HPD: variants seen among roughly 807,000 people sequenced by gnomAD.
The protein encoded by HPD is 4-hydroxyphenylpyruvic acid oxidase.
In HPD, 35 loss-of-function variants were observed where a neutral mutation model predicts 56.9. That is an observed-to-expected ratio of 0.62 (90% CI 0.47 to 0.82). HPD has a LOEUF of 0.82. HPD is among the 40% of genes least tolerant of loss of function. The pLI is 0.00. For missense variants in HPD, 442 were observed against 506.8 expected (o/e 0.87, Z 1.23); for synonymous variants, 186 against 200.2 (o/e 0.93, Z 0.60).
chr12:121,848,846 T>G (rs1252607919), intron 9 of HPD, among the ~76,000 whole-genome samples, 153 bp downstream of exon 9: 4 of 152,132 alleles, frequency 2.6e-5, no homozygotes, highest in Non-Finnish European at 5.9e-5. Flanking sequence ...CCTCAAGTGA[T>G]CCTCCCACCT....
chr12:121,852,338 A>G (rs2137623792), intron 7 of HPD, among the ~76,000 whole-genome samples: 2 of 150,996 alleles, frequency 1.3e-5, no homozygotes, highest in African/African-American at 4.9e-5. Flanking sequence ...TTTTATTTGT[A>G]TTTTTAATTT....
chr12:121,843,269 T>G (rs943718541), intron 12 of HPD, among the ~76,000 whole-genome samples: 2 of 152,182 alleles, frequency 1.3e-5, no homozygotes, highest in Admixed American at 1.3e-4. Flanking sequence ...CTGACCTAGG[T>G]CATCGCTCAA....
At chr12:121,861,786 G>T (rs528787900), upstream of HPD, among the ~76,000 whole-genome samples, 3 of 152,244 alleles carry the variant, frequency 2.0e-5, no homozygotes, top group African/African-American at 7.2e-5. Context: ...GACTTAAAGG[G>T]CTTAAGAAAG....
At chr12:121,878,266 C>T in the HPD span, among the ~76,000 whole-genome samples, 103 of 152,140 alleles carry the variant, frequency 6.8e-4, no homozygotes, top group Admixed American at 5.2e-4. Context: ...GATGAGTATA[C>T]ATGGAGAAGT....
chr12:121,843,657 A>G, intron 12 of HPD, 53 bp downstream of exon 12: 2 of 1,607,788 alleles, frequency 1.2e-6, no homozygotes, highest in Non-Finnish European at 8.5e-7. Flanking sequence ...GAAAAGATGC[A>G]ATGCAGAGCT....
intron 3 of HPD, 107 bp downstream of exon 3, chr12:121,857,650 A>T (rs1878053478): frequency 4.8e-6 from 5 of 1,032,590 alleles, no homozygotes; most frequent in South Asian, 1.3e-5. Context: ...CCCTGGCCTG[A>T]TCCTCCCTCC....
chr12:121,852,184 C>T lies in HPD; in HGVS notation c.415-2394G>A, dbSNP rs569033957. 9.9e-5 allele frequency among the ~76,000 whole-genome samples: 15 copies of T among 151,702 alleles called. No individual in the cohort carries two copies. In the East Asian group the frequency reaches 2.9e-3, roughly 30 times the overall value. ...ACAGGCATGCTCCATCATGCCTGGCCAATTTTTAATTTTTTCGTAGAGATG... is the reference window on the plus strand; with the variant it reads ...ACAGGCATGCTCCATCATGCCTGGCTAATTTTTAATTTTTTCGTAGAGATG... On this transcript the variant is annotated intron_variant, in intron 7 of 13. Transcript: ENST00000289004.
the HPD span, among the ~76,000 whole-genome samples, chr12:121,876,845 AGGCTGAAGTG>A: frequency 2.6e-5 from 4 of 152,036 alleles, no homozygotes; most frequent in African/African-American, 7.2e-5. Flanking sequence ...GATCTTTGGG[AGGCTGAAGTG>A]GGCTGAAGTG....
At chr12:121,849,310 A>G (rs1467291484) in intron 8 of HPD, among the ~76,000 whole-genome samples, 1 of 151,910 alleles carries the variant, frequency 6.6e-6, no homozygotes, top group Non-Finnish European at 1.5e-5. Context: ...GATTATAGGT[A>G]TGAGCCACTG....
chr12:121,863,138 A>C (rs11043221), upstream of HPD, among the ~76,000 whole-genome samples: 28,857 of 151,814 alleles, frequency 0.19, 3,678 homozygotes, highest in Non-Finnish European at 0.29. Context: ...ATGCGCCACC[A>C]CACCAAGCTA....
Position 121,839,992 on chromosome 12 carries a change from G to A in HPD, c.1011C>T (p.Thr337=). Residue 337 remains threonine (T), a synonymous_variant, in exon 13 of 14, where the codon ACC becomes ACT. Transcript: ENST00000289004. Reference sequence around the variant, plus strand: ...GCGTGGGCCGGTCCTGCACCGGTTTGGTGAAGATCTGCAGGAGGTAGCCTT... The same window carrying A: ...GCGTGGGCCGGTCCTGCACCGGTTTAGTGAAGATCTGCAGGAGGTAGCCTT... ...DEKGYLLQIF[T]KPVQDRPTLF... 6.2e-7 allele frequency: 1 copy of A among 1,614,002 alleles called. No homozygotes were observed. Among genetic ancestry groups the A allele is most frequent in the Non-Finnish European group, 8.5e-7 (1 of 1,179,956 alleles).
the HPD span, among the ~76,000 whole-genome samples, chr12:121,877,807 A>G: frequency 9.2e-5 from 14 of 152,176 alleles, no homozygotes; most frequent in African/African-American, 3.1e-4. Context: ...CACTCTGCCA[A>G]CGAGGGCAGT....
chr12:121,872,180 A>G, the HPD span, among the ~76,000 whole-genome samples: 1 of 144,826 alleles, frequency 6.9e-6, no homozygotes, highest in Non-Finnish European at 1.5e-5. Flanking sequence ...CGGAGGTTGC[A>G]GTGAGCCAAG....
At chr12:121,850,184 G>A (rs1211405648) in intron 7 of HPD, among the ~76,000 whole-genome samples, 1 of 152,056 alleles carries the variant, frequency 6.6e-6, no homozygotes, top group African/African-American at 2.4e-5. Context: ...CACTTTGGGA[G>A]GCCAAGGCGG....
At chr12:121,854,872 C>T (rs1877938499) in intron 6 of HPD, 80 bp from the exon 7 acceptor site, 2 of 1,118,726 alleles carry the variant, frequency 1.8e-6, no homozygotes, top group Non-Finnish European at 1.4e-6. Context: ...GCCTGGTGGC[C>T]TCTGCGTGGT....
At chr12:121,851,714 T>A (rs1225672776) in intron 7 of HPD, among the ~76,000 whole-genome samples, 8 of 3,014 alleles carry the variant, frequency 2.7e-3, no homozygotes, top group Admixed American at 5.0e-3. Context: ...TTTTTTTTTT[T>A]TTTTTTTTTT....
Position 121,849,789 on chromosome 12 carries a change from T to C in HPD, c.416A>G (p.Tyr139Cys), listed in dbSNP as rs1192395383. ...CACCAGGGTGTGTGTGGTGTCCCCA[T>C]ACTACGGGTGGAAAACAGCCTGGCT... ...GKVKFAVLQT[Y>C]GDTTHTLVEK... The change falls in exon 8 of 14, where the codon TAT (tyrosine) becomes TGT (cysteine). Residue 139 changes from tyrosine to cysteine, a missense_variant and splice_region_variant. By Grantham distance (194) the Tyr-to-Cys change is radical. Coordinates refer to ENST00000289004, the MANE Select transcript of HPD (RefSeq NM_002150.3). The C allele has an allele frequency of 1.9e-6, 3 of 1,609,972 alleles. No homozygotes were observed. The highest frequency in any genetic ancestry group is 2.5e-6 in the Non-Finnish European group (3 of 1,176,612).
intron 11 of HPD, among the ~76,000 whole-genome samples, chr12:121,844,720 A>G (rs1013723698): frequency 6.6e-6 from 1 of 151,644 alleles, no homozygotes; most frequent in Non-Finnish European, 1.5e-5. Context: ...TACTAAAAAT[A>G]CAAAAAAAAA....
the HPD span, among the ~76,000 whole-genome samples, chr12:121,878,070 G>T: frequency 6.6e-6 from 1 of 152,138 alleles, no homozygotes; most frequent in Non-Finnish European, 1.5e-5. Flanking sequence ...GTGTCCTTTT[G>T]GGGTGATGGA....
Sources: allele counts gnomAD v4.1 joint callset (sites outside exome capture counted in the v4.1 genomes callset), GRCh38; gene constraint gnomAD v4.1.1; transcripts MANE v1.5; gene names NCBI Gene and HGNC (gene_info 2026-07-23, HGNC 2026-07-21).